Variants in SLC44A5 observed in about 807,000 individuals in gnomAD.
SLC44A5 encodes the protein solute carrier family 44 member 5.
SLC44A5 carries 57 observed loss-of-function variants against 101.8 expected under a neutral mutation model. That is an observed-to-expected ratio of 0.56 (90% CI 0.45 to 0.70). The LOEUF is 0.70. Among genes scored for constraint, SLC44A5 ranks in the 30% least tolerant of loss-of-function variants. SLC44A5 has a pLI of 0.00. For synonymous variants in SLC44A5, 281 were observed against 290.9 expected (o/e 0.97, Z 0.35); for missense variants, 737 against 853.1 (o/e 0.86, Z 1.70).
At chr1:75,221,391 T>C (rs1647077328) in intron 14 of SLC44A5, among the ~76,000 whole-genome samples, 1 of 152,210 alleles carries the variant, frequency 6.6e-6, no homozygotes, top group Non-Finnish European at 1.5e-5. Flanking sequence ...GAATGACCTT[T>C]TGGAATAGTG....
At chr1:75,464,550 A>C (rs1666706114) in intron 2 of SLC44A5, among the ~76,000 whole-genome samples, 1 of 152,160 alleles carries the variant, frequency 6.6e-6, no homozygotes, top group African/African-American at 2.4e-5. Flanking sequence ...GTCCTTATTT[A>C]TTAATAATAA....
At chr1:75,408,903 G>A (rs563912682) in intron 2 of SLC44A5, among the ~76,000 whole-genome samples, 9 of 152,068 alleles carry the variant, frequency 5.9e-5, no homozygotes, top group Non-Finnish European at 1.2e-4. Flanking sequence ...ATAGGTACTT[G>A]TTGAATGTTA....
intron 4 of SLC44A5, among the ~76,000 whole-genome samples, chr1:75,314,824 T>C (rs1025106106): frequency 1.3e-5 from 2 of 152,188 alleles, no homozygotes; most frequent in African/African-American, 4.8e-5. Flanking sequence ...TTTGTTTTAG[T>C]TAGTGTTCAC....
At chr1:75,217,808 C>T in intron 18 of SLC44A5, 58 bp downstream of exon 18, 1 of 1,128,072 alleles carries the variant, frequency 8.9e-7, no homozygotes, top group Non-Finnish European at 1.4e-6. Flanking sequence ...ATCAGGTCTC[C>T]CCCAACCCCC....
At chr1:75,353,761 A>G (rs1658861659) in intron 3 of SLC44A5, among the ~76,000 whole-genome samples, 1 of 152,222 alleles carries the variant, frequency 6.6e-6, no homozygotes, top group Non-Finnish European at 1.5e-5. Flanking sequence ...CTTTCTGCAG[A>G]GAGATAATGA....
intron 2 of SLC44A5, among the ~76,000 whole-genome samples, chr1:75,422,559 T>C (rs1333691408): frequency 1.3e-5 from 2 of 152,234 alleles, no homozygotes; most frequent in Non-Finnish European, 2.9e-5. Flanking sequence ...ACTGATACCA[T>C]ACACAACAGT....
the SLC44A5 span, among the ~76,000 whole-genome samples, chr1:75,717,109 AAGATCATGTCATTTGCAGCAACAC>A: frequency 6.6e-6 from 1 of 152,222 alleles, no homozygotes; most frequent in Non-Finnish European, 1.5e-5. Context: ...GAAAAGAAAT[AAGATCATGTCATTTGCAGCAACAC>A]AGATGGCACT....
At chr1:75,284,138 A>G (rs1172963714) in intron 5 of SLC44A5, among the ~76,000 whole-genome samples, 1 of 152,082 alleles carries the variant, frequency 6.6e-6, no homozygotes, top group East Asian at 1.9e-4. Flanking sequence ...TGGGCATGGT[A>G]TGTGTTTCCA....
intron 1 of SLC44A5, among the ~76,000 whole-genome samples, chr1:75,555,831 A>T (rs753736186): frequency 2.6e-5 from 4 of 152,154 alleles, no homozygotes; most frequent in African/African-American, 9.6e-5. Context: ...CGTTAGATGA[A>T]AAACAAATAT....
At chr1:75,408,985 T>C (rs1663095215) in intron 2 of SLC44A5, among the ~76,000 whole-genome samples, 1 of 151,890 alleles carries the variant, frequency 6.6e-6, no homozygotes, top group Non-Finnish European at 1.5e-5. Context: ...GGGATGAAAA[T>C]AAAAGGTGAT....
chr1:75,251,386 A>G (rs1479511413), intron 6 of SLC44A5, 92 bp from the exon 7 acceptor site: 6 of 1,062,670 alleles, frequency 5.6e-6, no homozygotes, highest in Non-Finnish European at 8.2e-6. Context: ...TAACCTTTAA[A>G]AATTGGTTTC....
intron 3 of SLC44A5, among the ~76,000 whole-genome samples, chr1:75,363,557 A>G (rs920147139): frequency 1.3e-5 from 2 of 152,022 alleles, no homozygotes; most frequent in African/African-American, 4.8e-5. Context: ...AAAATTCTAT[A>G]TTTATACTCA....
chr1:75,326,095 CGTGTGTGTGT>C lies in SLC44A5; in HGVS notation c.101+13477_101+13486del, dbSNP rs58294702. Reference sequence around the variant, plus strand: ...CAGATAGTGATGTGCTCTCTCTCTCCGTGTGTGTGTGTGTGTGTGTGTGTGTGTGTATAAT... The same window carrying C: ...CAGATAGTGATGTGCTCTCTCTCTCCGTGTGTGTGTGTGTGTGTGTATAAT... On this transcript the variant is annotated intron_variant, in intron 4 of 23. Transcript: ENST00000370859. Among the ~76,000 whole-genome samples the C allele has an allele frequency of 6.6e-3, 931 of 140,358 alleles. 12 individuals are homozygous for C. Among genetic ancestry groups the C allele is most frequent in the African/African-American group, 0.022 (860 of 38,832 alleles). 92.1% of individuals were successfully genotyped at this position (140,358 alleles called of 152,430 possible). A position where few individuals can be genotyped will look rare whatever the true frequency, so the allele number is the denominator to read the frequency against.
chr1:75,448,353 C>A (rs1665707050), intron 2 of SLC44A5, among the ~76,000 whole-genome samples: 1 of 152,106 alleles, frequency 6.6e-6, no homozygotes, highest in Admixed American at 6.6e-5. Context: ...GAGTCCAGGG[C>A]AAGCAACTTT....
chr1:75,634,412 A>C, the SLC44A5 span, among the ~76,000 whole-genome samples: 1 of 152,056 alleles, frequency 6.6e-6, no homozygotes, highest in African/African-American at 2.4e-5. Flanking sequence ...ACTTCAAACT[A>C]TACTACAAGG....
chr1:75,529,776 A>G (rs1046447108), intron 2 of SLC44A5, among the ~76,000 whole-genome samples: 1 of 152,178 alleles, frequency 6.6e-6, no homozygotes. Context: ...AAGCTGTACT[A>G]ATCCCCTCTA....
At chr1:75,654,156 G>A in the SLC44A5 span, among the ~76,000 whole-genome samples, 6,006 of 152,100 alleles carry the variant, frequency 0.039, 143 homozygotes, top group Middle Eastern at 0.051. Flanking sequence ...ATATTTATAG[G>A]TTTTACTTTC....
At position 75,546,196 on chromosome 1, in the gene SLC44A5, T is replaced by TAAAAGTGGTATCTTTAAACCTA. The variant is rs1557894326; in HGVS notation, c.-69-4681_-69-4680insTAGGTTTAAAGATACCACTTTT. ...TAAGACTGTTCAAATTCAAAATTTTTTTTTTTTTTTTTTTTTTTTTTTGAG... is the reference window on the plus strand; with the variant it reads ...TAAGACTGTTCAAATTCAAAATTTTTAAAAGTGGTATCTTTAAACCTATTTTTTTTTTTTTTTTTTTTTTGAG... On this transcript the variant is annotated intron_variant, in intron 1 of 23. Transcript: ENST00000370859. 1.3e-3 allele frequency among the ~76,000 whole-genome samples: 8 copies of TAAAAGTGGTATCTTTAAACCTA among 6,014 alleles called. 1 individual carries two copies. The highest frequency in any genetic ancestry group is 4.5e-3 in the South Asian group (1 of 222). The allele number at this position is 6,014 out of a possible 152,430, so 3.9% of individuals were successfully genotyped here. A position where few individuals can be genotyped will look rare whatever the true frequency, so the allele number is the denominator to read the frequency against.
chr1:75,570,256 C>G (rs1226460808), intron 1 of SLC44A5, among the ~76,000 whole-genome samples: 1 of 152,130 alleles, frequency 6.6e-6, no homozygotes, highest in African/African-American at 2.4e-5. Context: ...AAGTAACTAA[C>G]AGAATCTACT....
Sources: gnomAD v4.1 joint callset for allele counts (sites outside exome capture counted in the v4.1 genomes callset) on GRCh38, gnomAD v4.1.1 for gene constraint, MANE v1.5 for transcripts, NCBI Gene and HGNC (gene_info 2026-07-23, HGNC 2026-07-21) for gene names.